The following SMU1 variants were observed in gnomAD, a reference collection of about 807,000 sequenced individuals.
SMU1 encodes the protein WD40 repeat-containing protein SMU1.
A neutral mutation model predicts 62.0 loss-of-function variants in SMU1; 2 were observed. That is an observed-to-expected ratio of 0.03 (90% confidence interval 0.01 to 0.10). The LOEUF is 0.10. Ranked by LOEUF, SMU1 falls within the 10% of genes least tolerant of loss-of-function variation. SMU1 has a pLI of 1.00. For missense variants in SMU1, 227 were observed against 622.1 expected, an observed-to-expected ratio of 0.36 and a Z score of 6.76; for synonymous variants, 188 against 212.4, an observed-to-expected ratio of 0.89 and a Z score of 1.00.
In SMU1 at chr9:33,057,697, G is replaced by A. The variant is rs751836938; in HGVS notation, c.768C>T (p.Ala256=). ...CATCCATCATCATAAAGTTATCTTG[G>A]GCCTGGTACTTAAGATCCTAAAGAA... ...GKIRKDLKYQ[A]QDNFMMMDDA... is the part of the protein sequence containing the mutation. The change falls in exon 7 of 12, where the codon GCC becomes GCT. Residue 256 remains alanine, a synonymous_variant. Coordinates refer to ENST00000397149, the MANE Select transcript of SMU1 (RefSeq NM_018225.3). 2 of 1,613,698 alleles carry A rather than the reference G, an allele frequency of 1.2e-6. No individual in the cohort carries two copies. The highest frequency in any genetic ancestry group is 3.3e-5 in the Admixed American group (2 of 59,988).
At chr9:33,048,344 T>C in intron 10 of SMU1, 86 bp from the exon 11 acceptor site, 2 of 1,532,306 alleles carry the variant, frequency 1.3e-6, no homozygotes, top group South Asian at 2.5e-5. Flanking sequence ...CATTTTTACG[T>C]TGTTATTTTG....
intron 10 of SMU1, among the ~76,000 whole-genome samples, chr9:33,051,874 G>C (rs895383504): frequency 2.6e-5 from 4 of 151,904 alleles, no homozygotes; most frequent in African/African-American, 9.7e-5. Context: ...GACCAACTTG[G>C]AGTGACCCCG....
intron 6 of SMU1, among the ~76,000 whole-genome samples, chr9:33,058,550 C>T (rs1456982366): frequency 6.6e-6 from 1 of 152,156 alleles, no homozygotes. Context: ...CTCCTGACTT[C>T]AAGTGACCTA....
At chr9:33,059,286 G>A (rs533265787) in intron 6 of SMU1, among the ~76,000 whole-genome samples, 1 of 152,200 alleles carries the variant, frequency 6.6e-6, no homozygotes, top group East Asian at 1.9e-4. Flanking sequence ...ACACACACAG[G>A]ATATTCCAGT....
intron 8 of SMU1, among the ~76,000 whole-genome samples, chr9:33,056,503 G>A (rs759868226): frequency 1.5e-4 from 23 of 152,172 alleles, no homozygotes; most frequent in Non-Finnish European, 3.2e-4. Context: ...CAAGTTAGCA[G>A]GAGATTGAGA....
At chr9:33,057,447 A>G in intron 7 of SMU1, 151 bp downstream of exon 7, 1 of 950,040 alleles carries the variant, frequency 1.1e-6, no homozygotes, top group Non-Finnish European at 1.6e-6. Flanking sequence ...AGAGTTGCTA[A>G]GATTACATAA....
chr9:33,042,008 A>AAT lies in SMU1; in HGVS notation c.*5283_*5284dup, dbSNP rs1472176855. On this transcript the variant is annotated 3_prime_UTR_variant, in exon 12 of 12. Coordinates refer to ENST00000397149, the MANE Select transcript of SMU1 (RefSeq NM_018225.3). The stretch of plus-strand genomic sequence containing the variant: ...TAGGGTGATGACATTTTGGAAATAC[A>AAT]ATAGTGGTTGCGTAACATCGTAAAT... 1 of 152,324 alleles carries AAT rather than the reference A, an allele frequency of 6.6e-6. No individual in the cohort carries two copies. The highest frequency in any genetic ancestry group is 1.5e-5 in the Non-Finnish European group (1 of 68,030). 9.4% of individuals were successfully genotyped at this position (152,324 alleles called of 1,614,324 possible).
chr9:33,065,456 A>C (rs1405105928), intron 4 of SMU1, among the ~76,000 whole-genome samples: 1 of 152,230 alleles, frequency 6.6e-6, no homozygotes, highest in African/African-American at 2.4e-5. Context: ...AATAAAAAAG[A>C]TACATGCCCC....
At chr9:33,072,132 G>A (rs1315102269) in intron 2 of SMU1, among the ~76,000 whole-genome samples, 7 of 152,026 alleles carry the variant, frequency 4.6e-5, no homozygotes, top group African/African-American at 1.5e-4. Context: ...TCAGCAGTTC[G>A]AAACCAGCCT....
intron 6 of SMU1, 88 bp from the exon 7 acceptor site, chr9:33,057,802 A>G: frequency 6.4e-7 from 1 of 1,556,310 alleles, no homozygotes; most frequent in Non-Finnish European, 8.7e-7. Flanking sequence ...GGGGCAATGG[A>G]TTGTACCTAC....
At chr9:33,071,966 A>C (rs567461016) in intron 2 of SMU1, 74 bp from the exon 3 acceptor site, 14 of 1,409,020 alleles carry the variant, frequency 9.9e-6, no homozygotes, top group Non-Finnish European at 1.3e-5. Context: ...TTTCGGTAAA[A>C]TATCTAACAC....
At chr9:33,076,440 A>G in intron 1 of SMU1, 143 bp downstream of exon 1, 1 of 1,004,220 alleles carries the variant, frequency 1.0e-6, no homozygotes, top group Non-Finnish European at 1.5e-6. Flanking sequence ...CGAGGTAGCG[A>G]GATCCAAGAT....
chr9:33,053,171 C>G lies in SMU1; in HGVS notation c.1242G>C (p.Val414=). Residue 414 remains valine, a synonymous_variant, in exon 10 of 12, where the codon GTG becomes GTC. Transcript: ENST00000397149. ...ILLPKNPEHF[V]VCNRSNTVVI... Reference sequence around the variant, plus strand: ...CCACCGTGTTTGATCTGTTGCACACCACAAAGTGCTCAGGGTTTTTAGGAA... The same window carrying G: ...CCACCGTGTTTGATCTGTTGCACACGACAAAGTGCTCAGGGTTTTTAGGAA... The G allele has an allele frequency of 1.2e-6, 2 of 1,612,244 alleles. No homozygotes were observed. Among genetic ancestry groups the G allele is most frequent in the Non-Finnish European group, 1.7e-6 (2 of 1,180,020 alleles).
At chr9:33,076,463 G>A (rs181516170) in intron 1 of SMU1, 120 bp downstream of exon 1, 747 of 1,217,098 alleles carry the variant, frequency 6.1e-4, no homozygotes, top group Non-Finnish European at 8.2e-4. Context: ...TTCTTTGGGG[G>A]CAAGGAAATG....
At chr9:33,076,459 G>T in intron 1 of SMU1, 124 bp downstream of exon 1, 1 of 1,180,696 alleles carries the variant, frequency 8.5e-7, no homozygotes, top group South Asian at 1.3e-5. Context: ...ATGCTTCTTT[G>T]GGGGCAAGGA....
intron 6 of SMU1, among the ~76,000 whole-genome samples, chr9:33,058,377 T>C (rs2119433302): frequency 6.6e-6 from 1 of 152,334 alleles, no homozygotes; most frequent in South Asian, 2.1e-4. Flanking sequence ...AGTGCAGTGA[T>C]GCAATCTCAG....
chr9:33,066,828 A>C (rs1839426087), intron 4 of SMU1, among the ~76,000 whole-genome samples: 2 of 151,828 alleles, frequency 1.3e-5, no homozygotes, highest in Admixed American at 6.6e-5. Context: ...AAACTGAGGA[A>C]TCTATAAATA....
At chr9:33,076,069 A>G (rs924765047) in intron 1 of SMU1, among the ~76,000 whole-genome samples, 3 of 152,196 alleles carry the variant, frequency 2.0e-5, no homozygotes, top group African/African-American at 7.2e-5. Context: ...CTGAGACCAC[A>G]AGGAAAAGGA....
chr9:33,075,290 T>C (rs1277855133), intron 1 of SMU1, among the ~76,000 whole-genome samples: 2 of 151,724 alleles, frequency 1.3e-5, no homozygotes, highest in African/African-American at 2.4e-5. Flanking sequence ...GGCAGGAGAA[T>C]GGCGTGAACG....
Sources: allele counts gnomAD v4.1 joint callset (sites outside exome capture counted in the v4.1 genomes callset), GRCh38; gene constraint gnomAD v4.1.1; transcripts MANE v1.5; gene names NCBI Gene and HGNC (gene_info 2026-07-23, HGNC 2026-07-21).